Variants in ARHGAP10 observed in about 807,000 individuals in gnomAD.
The protein encoded by ARHGAP10 is Rho GTPase activating protein 10.
Under a neutral mutation model 108.6 loss-of-function variants are expected in ARHGAP10, and 87 were observed. That is an observed-to-expected ratio of 0.80 (90% CI 0.67 to 0.96). The LOEUF is 0.96. Among genes scored for constraint, ARHGAP10 ranks in the 40% least tolerant of loss-of-function variants. The probability of loss-of-function intolerance (pLI) is 0.00; values close to 1 mark genes in which losing one functional copy is unlikely to be tolerated. For synonymous variants in ARHGAP10, 347 were observed against 341.1 expected (o/e 1.02, Z -0.19); for missense variants, 939 against 954.5 (o/e 0.98, Z 0.21).
intron 1 of ARHGAP10, among the ~76,000 whole-genome samples, chr4:147,816,166 C>T (rs1357186664): frequency 1.3e-5 from 2 of 152,138 alleles, no homozygotes; most frequent in African/African-American, 2.4e-5. Flanking sequence ...GTACTCTCTC[C>T]AGACAGTGCC....
At chr4:147,841,354 C>A (rs1202176499) in intron 3 of ARHGAP10, among the ~76,000 whole-genome samples, 1 of 152,238 alleles carries the variant, frequency 6.6e-6, no homozygotes, top group Non-Finnish European at 1.5e-5. Flanking sequence ...GTTATAAAAT[C>A]ACATTCTGTA....
rs1159778387 is a variant in ARHGAP10, at chr4:148,055,120, G to T, written c.2028-8028G>T. ...AGGTAGGATTCAAGGAGAACTCTTT[G>T]AGTGGAAGAGCAGTCAGAGATGTAA... On this transcript the variant is annotated intron_variant, in intron 20 of 22. Transcript: ENST00000336498. Among the ~76,000 whole-genome samples, 4 of 152,322 alleles carry T rather than the reference G, an allele frequency of 2.6e-5. No individual in the cohort carries two copies. The South Asian group carries it at 8.3e-4, about 32-fold the overall frequency.
chr4:147,964,754 G>C (rs577471503), intron 16 of ARHGAP10, among the ~76,000 whole-genome samples: 3 of 152,122 alleles, frequency 2.0e-5, no homozygotes, highest in African/African-American at 7.2e-5. Context: ...GCAGCTGTCC[G>C]TTCTGTAATA....
chr4:147,844,689 A>G (rs770878104), intron 3 of ARHGAP10, among the ~76,000 whole-genome samples: 3 of 152,120 alleles, frequency 2.0e-5, no homozygotes, highest in South Asian at 2.1e-4. Flanking sequence ...CATTCGGTCA[A>G]TCTCTCATTA....
At chr4:147,767,386 A>G (rs973499008) in intron 1 of ARHGAP10, among the ~76,000 whole-genome samples, 2 of 151,222 alleles carry the variant, frequency 1.3e-5, no homozygotes, top group Non-Finnish European at 2.9e-5. Flanking sequence ...TTTTTAATCC[A>G]CATGGCAAAA....
chr4:147,888,689 T>A (rs1482931426), intron 10 of ARHGAP10, among the ~76,000 whole-genome samples: 1 of 152,202 alleles, frequency 6.6e-6, no homozygotes, highest in Non-Finnish European at 1.5e-5. Context: ...TCCTCATTTC[T>A]AAACAGAGAA....
At chr4:147,810,956 A>T (rs982227744) in intron 1 of ARHGAP10, among the ~76,000 whole-genome samples, 1 of 152,238 alleles carries the variant, frequency 6.6e-6, no homozygotes, top group African/African-American at 2.4e-5. Flanking sequence ...CCCTGACCTC[A>T]GAGTTTCCCT....
Position 147,939,827 on chromosome 4 carries a change from A to G in ARHGAP10, c.1231A>G (p.Ile411Val), listed in dbSNP as rs755044964. 1.3e-5 allele frequency: 21 copies of G among 1,613,806 alleles called. No individual in the cohort carries two copies. Among genetic ancestry groups the G allele is most frequent in the East Asian group, 2.2e-5 (1 of 44,872 alleles). ...KCISAVETRG[I>V]NDQGLYRVVG... The stretch of plus-strand genomic sequence containing the variant: ...TAATAGTTTGTTTCTTCCCATAGGT[A>G]TAAATGACCAAGGATTGTACAGAGT... Residue 411 changes from isoleucine to valine, a missense_variant and splice_region_variant, in exon 14 of 23, where the codon ATA becomes GTA. Transcript: ENST00000336498.
At chr4:147,988,960 C>A (rs1356988158) in intron 18 of ARHGAP10, among the ~76,000 whole-genome samples, 1 of 152,166 alleles carries the variant, frequency 6.6e-6, no homozygotes, top group African/African-American at 2.4e-5. Flanking sequence ...ATGTAAGATA[C>A]CCACCTTCCA....
At chr4:148,007,831 G>A (rs1336383618) in intron 18 of ARHGAP10, among the ~76,000 whole-genome samples, 3 of 152,146 alleles carry the variant, frequency 2.0e-5, no homozygotes, top group Non-Finnish European at 4.4e-5. Flanking sequence ...TTGATACTGT[G>A]GCTTGCTGGG....
chr4:148,067,527 G>A (rs560514510), intron 22 of ARHGAP10, among the ~76,000 whole-genome samples: 1 of 152,182 alleles, frequency 6.6e-6, no homozygotes, highest in African/African-American at 2.4e-5. Flanking sequence ...GAGTACTGCC[G>A]GGAATGCTCC....
intron 1 of ARHGAP10, among the ~76,000 whole-genome samples, chr4:147,804,078 G>A (rs909713772): frequency 9.9e-5 from 15 of 151,124 alleles, no homozygotes; most frequent in African/African-American, 1.9e-4. Flanking sequence ...GGGGTTTGGT[G>A]TACAGATTAT....
intron 19 of ARHGAP10, among the ~76,000 whole-genome samples, chr4:148,046,405 A>G (rs1728885538): frequency 6.6e-6 from 1 of 152,252 alleles, no homozygotes; most frequent in Non-Finnish European, 1.5e-5. Flanking sequence ...TTGGGGTATT[A>G]GAAATTATAA....
At chr4:147,768,834 G>A (rs1473368911) in intron 1 of ARHGAP10, among the ~76,000 whole-genome samples, 1 of 151,380 alleles carries the variant, frequency 6.6e-6, no homozygotes, top group Non-Finnish European at 1.5e-5. Context: ...CGCCTCCTGG[G>A]TTCAAGCGAT....
At chr4:147,999,974 C>T (rs577724266) in intron 18 of ARHGAP10, among the ~76,000 whole-genome samples, 32 of 150,914 alleles carry the variant, frequency 2.1e-4, no homozygotes, top group Non-Finnish European at 3.4e-4. Context: ...ATGTGCACAA[C>T]GTGCGGGTTT....
At position 147,732,194 on chromosome 4, in the gene ARHGAP10, G is replaced by A. The variant is rs879346232; in HGVS notation, c.-108G>A. 7 of 1,174,818 alleles carry A rather than the reference G, an allele frequency of 6.0e-6. No individual in the cohort carries two copies. The Admixed American group carries it at 1.7e-4, about 28-fold the overall frequency. 72.8% of individuals were successfully genotyped at this position (1,174,818 alleles called of 1,614,324 possible). The stretch of plus-strand genomic sequence containing the variant: ...GCTCGCCGCGCGCCCGGGCCTGCTA[G>A]CTCCTCTGTGCTCCCTGAACGCGCG... On this transcript the variant is annotated 5_prime_UTR_variant, in exon 1 of 23. An upstream open reading frame in the 5' UTR loses its in-frame stop. Transcript: ENST00000336498.
chr4:148,045,694 C>T (rs947578365), intron 19 of ARHGAP10, among the ~76,000 whole-genome samples: 42 of 136,604 alleles, frequency 3.1e-4, no homozygotes, highest in Admixed American at 5.0e-4. Context: ...GCCGAGATCG[C>T]GCCATTGCAC....
chr4:147,868,512 G>A (rs1041631755), intron 7 of ARHGAP10, among the ~76,000 whole-genome samples: 3 of 152,048 alleles, frequency 2.0e-5, no homozygotes, highest in Admixed American at 1.3e-4. Flanking sequence ...CTGGCATTAC[G>A]GGGGTGAGCC....
chr4:147,847,360 C>G (rs1264722614), intron 4 of ARHGAP10, 138 bp downstream of exon 4: 2 of 793,562 alleles, frequency 2.5e-6, no homozygotes, highest in Non-Finnish European at 4.0e-6. Context: ...TGCTTTTCCC[C>G]CTTTGGGGGA....
Sources: allele counts gnomAD v4.1 joint callset (sites outside exome capture counted in the v4.1 genomes callset), GRCh38; gene constraint gnomAD v4.1.1; transcripts MANE v1.5; gene names NCBI Gene and HGNC (gene_info 2026-07-23, HGNC 2026-07-21).